Variants in CHAF1B observed in about 807,000 individuals in gnomAD.
CHAF1B encodes the protein CAF-1 subunit B.
A neutral mutation model predicts 60.7 loss-of-function variants in CHAF1B; 10 were observed. That is an observed-to-expected ratio of 0.16 (90% CI 0.10 to 0.28). The LOEUF (loss-of-function observed/expected upper bound fraction) is 0.28. Among genes scored for constraint, CHAF1B ranks in the 10% least tolerant of loss-of-function variants. The pLI, the probability that CHAF1B is intolerant of heterozygous loss-of-function variation, is 1.00. For missense variants in CHAF1B, 558 were observed against 708.4 expected (o/e 0.79, Z 2.41); for synonymous variants, 261 against 266.1 (o/e 0.98, Z 0.19).
chr21:36,387,394 A>T (rs1601554291), intron 2 of CHAF1B, among the ~76,000 whole-genome samples: 1 of 151,534 alleles, frequency 6.6e-6, no homozygotes, highest in Admixed American at 6.6e-5. Flanking sequence ...CTAATTTTTT[A>T]AATTTTCTGT....
intron 3 of CHAF1B, among the ~76,000 whole-genome samples, chr21:36,389,798 T>TGTGTGC (rs1555911845): frequency 1.0e-5 from 1 of 97,560 alleles, no homozygotes; most frequent in Non-Finnish European, 2.0e-5. Flanking sequence ...TGTGTGTGTG[T>TGTGTGC]GTGCGCGCGC....
rs1417558346 is a variant in CHAF1B, at chr21:36,409,510, C to T, written c.919+45C>T. The T allele has an allele frequency of 2.8e-6, 4 of 1,435,168 alleles. No individual in the cohort carries two copies. The East Asian group carries it at 9.1e-5, about 33-fold the overall frequency. 88.9% of individuals were successfully genotyped at this position (1,435,168 alleles called of 1,614,324 possible). ...GGTGTGTTATGTTTTCTCTCCGAAACAGGTCACCAGAGTGGGGTGGAGATT... is the reference window on the plus strand; with the variant it reads ...GGTGTGTTATGTTTTCTCTCCGAAATAGGTCACCAGAGTGGGGTGGAGATT... On this transcript the variant is annotated intron_variant, in intron 10 of 13. Coordinates refer to ENST00000314103, the MANE Select transcript of CHAF1B (RefSeq NM_005441.3).
chr21:36,391,861 T>C (rs2086091567), intron 4 of CHAF1B, among the ~76,000 whole-genome samples, 193 bp downstream of exon 4: 1 of 150,216 alleles, frequency 6.7e-6, no homozygotes, highest in Admixed American at 6.7e-5. Flanking sequence ...ACCTCCCAAA[T>C]AGCTGGGACT....
intron 8 of CHAF1B, among the ~76,000 whole-genome samples, chr21:36,405,717 C>T (rs949944981): frequency 6.6e-6 from 1 of 152,120 alleles, no homozygotes; most frequent in Non-Finnish European, 1.5e-5. Flanking sequence ...AGGTGTGAGC[C>T]ACCACACCCA....
At chr21:36,400,341 C>T (rs1439324313) in intron 7 of CHAF1B, among the ~76,000 whole-genome samples, 1 of 151,704 alleles carries the variant, frequency 6.6e-6, no homozygotes, top group Non-Finnish European at 1.5e-5. Flanking sequence ...TAGCCGGGTG[C>T]ATGCATGTGA....
chr21:36,413,885 TC>T (rs1282070988), intron 12 of CHAF1B, among the ~76,000 whole-genome samples: 1 of 152,104 alleles, frequency 6.6e-6, no homozygotes, highest in East Asian at 1.9e-4. Context: ...AGGAAGCAGG[TC>T]CCATTTTTTA....
intron 10 of CHAF1B, 134 bp from the exon 11 acceptor site, chr21:36,411,329 G>T (rs1163339072): frequency 3.9e-6 from 4 of 1,017,164 alleles, no homozygotes; most frequent in East Asian, 4.8e-5. Context: ...GCTTAGGCAG[G>T]TCTCAAACTC....
At chr21:36,403,602 C>T (rs1017518777) in intron 8 of CHAF1B, among the ~76,000 whole-genome samples, 1 of 151,864 alleles carries the variant, frequency 6.6e-6, no homozygotes, top group South Asian at 2.1e-4. Flanking sequence ...CTCAATAAAG[C>T]GCATTTGTGA....
In CHAF1B at chr21:36,402,772, G is replaced by A; in HGVS notation, c.678G>A (p.Arg226=). ...GTGTGCGACAGGCAAGAAGCTACCG[G>A]ATGTTTCACGACGACAGCATGAAGT... ...IGAEGEARSY[R]MFHDDSMKSF... Residue 226 remains arginine, a synonymous_variant, in exon 8 of 14, where the codon CGG becomes CGA. Transcript: ENST00000314103. 6.2e-7 allele frequency: 1 copy of A among 1,613,520 alleles called. No homozygotes were observed. Among genetic ancestry groups the A allele is most frequent in the Non-Finnish European group, 8.5e-7 (1 of 1,179,698 alleles).
At chr21:36,411,348 A>C in intron 10 of CHAF1B, 115 bp from the exon 11 acceptor site, 1 of 1,259,582 alleles carries the variant, frequency 7.9e-7, no homozygotes, top group East Asian at 2.3e-5. Context: ...TCCTGAGCTC[A>C]AGTGATCCAC....
chr21:36,389,206 A>G (rs62229405), intron 3 of CHAF1B: 1,922 of 152,712 alleles, frequency 0.013, 25 homozygotes, highest in Non-Finnish European at 0.019. Context: ...GCATACCGGG[A>G]GTGTCATTAA....
At chr21:36,394,791 G>A in intron 5 of CHAF1B, 141 bp downstream of exon 5, 1 of 567,744 alleles carries the variant, frequency 1.8e-6, no homozygotes, top group South Asian at 2.0e-5. Flanking sequence ...GAGTGCAGTG[G>A]TGCGATCTTG....
chr21:36,399,077 C>T (rs570126146), intron 6 of CHAF1B, among the ~76,000 whole-genome samples: 16 of 149,162 alleles, frequency 1.1e-4, no homozygotes, highest in Admixed American at 4.7e-4. Context: ...CGCTCTGTTG[C>T]CCAGGCTGGA....
intron 8 of CHAF1B, among the ~76,000 whole-genome samples, chr21:36,407,257 G>T (rs13046340): frequency 6.7e-6 from 1 of 150,082 alleles, no homozygotes; most frequent in African/African-American, 2.5e-5. Context: ...AGCCAAGATC[G>T]CACCACTGCA....
At chr21:36,386,402 C>T (rs949967356) in intron 2 of CHAF1B, 140 bp downstream of exon 2, 2 of 1,067,196 alleles carry the variant, frequency 1.9e-6, no homozygotes, top group East Asian at 2.6e-5. Flanking sequence ...GTGAGAGGAT[C>T]GCTTGAGTCC....
At chr21:36,388,594 G>A (rs1024164133) in intron 3 of CHAF1B, among the ~76,000 whole-genome samples, 1 of 150,592 alleles carries the variant, frequency 6.6e-6, no homozygotes, top group Non-Finnish European at 1.5e-5. Context: ...AGCCTCACAA[G>A]TAGCTGGGAT....
intron 7 of CHAF1B, 33 bp downstream of exon 7, chr21:36,399,638 C>G: frequency 6.4e-7 from 1 of 1,560,538 alleles, no homozygotes; most frequent in Non-Finnish European, 8.8e-7. Flanking sequence ...TTTTCAGCAG[C>G]GCTTTAACTG....
intron 8 of CHAF1B, among the ~76,000 whole-genome samples, chr21:36,404,745 T>C (rs1335897939): frequency 2.2e-5 from 3 of 138,224 alleles, no homozygotes; most frequent in Non-Finnish European, 4.7e-5. Flanking sequence ...TTTTTTTTTT[T>C]TTTTTTTTTT....
At chr21:36,399,499 A>G in intron 6 of CHAF1B, 22 bp from the exon 7 acceptor site, 1 of 1,605,184 alleles carries the variant, frequency 6.2e-7, no homozygotes, top group Admixed American at 1.7e-5. Flanking sequence ...GAAGTGGTAA[A>G]TCAGACATGT....
Sources: allele counts gnomAD v4.1 joint callset (sites outside exome capture counted in the v4.1 genomes callset), GRCh38; gene constraint gnomAD v4.1.1; transcripts MANE v1.5; gene names NCBI Gene and HGNC (gene_info 2026-07-23, HGNC 2026-07-21).